The following P2RY8 variants were observed in gnomAD, a reference collection of about 807,000 sequenced individuals.
P2RY8 encodes the protein S-geranylgeranyl-glutathione receptor P2RY8.
P2RY8 carries 6 observed loss-of-function variants against 10.0 expected under a neutral mutation model. The observed-to-expected ratio is 0.60, with a 90% CI of 0.33 to 1.19. P2RY8 has a LOEUF of 1.19. P2RY8 is among the 50% of genes most tolerant of loss of function. P2RY8 has a pLI of 0.04. For synonymous variants in P2RY8, 276 were observed against 252.5 expected, an observed-to-expected ratio of 1.09 and a Z score of -0.88; for missense variants, 456 against 542.0, an observed-to-expected ratio of 0.84 and a Z score of 1.58.
chrX:1,491,084 C>A (rs757635896), intron 1 of P2RY8, among the ~76,000 whole-genome samples: 1 of 151,426 alleles, frequency 6.6e-6, no homozygotes, highest in African/African-American at 2.4e-5. Flanking sequence ...CAGATATTCC[C>A]TGCAAATGTG....
intron 1 of P2RY8, among the ~76,000 whole-genome samples, chrX:1,482,871 C>G (rs2091950612): frequency 1.3e-5 from 2 of 151,356 alleles, no homozygotes; most frequent in South Asian, 4.2e-4. Flanking sequence ...CATGTTCTCA[C>G]TCATAGGTGG....
intron 1 of P2RY8, among the ~76,000 whole-genome samples, chrX:1,482,160 GGTGTGTGTGT>G (rs5901178): frequency 2.7e-5 from 4 of 147,074 alleles, no homozygotes; most frequent in Non-Finnish European, 1.5e-5. Flanking sequence ...TTGTGTGTGT[GGTGTGTGTGT>G]GTGTGTGTGT....
chrX:1,509,745 C>CTATGTATCTATCTATG (rs1470536260), intron 1 of P2RY8, among the ~76,000 whole-genome samples: 3 of 112,382 alleles, frequency 2.7e-5, no homozygotes, highest in South Asian at 2.8e-4. Context: ...ATCTATGTAT[C>CTATGTATCTATCTATG]TATCTGTCTA....
chrX:1,482,860 G>T (rs763184966), intron 1 of P2RY8, among the ~76,000 whole-genome samples: 1 of 151,202 alleles, frequency 6.6e-6, no homozygotes, highest in South Asian at 2.1e-4. Context: ...ACCAAACACT[G>T]CATGTTCTCA....
intron 1 of P2RY8, among the ~76,000 whole-genome samples, chrX:1,468,363 C>G (rs1365641405): frequency 6.6e-6 from 1 of 152,228 alleles, no homozygotes; most frequent in Admixed American, 6.5e-5. Context: ...CCTGTGTGGT[C>G]TGGGGATCCA....
At chrX:1,493,443 G>T (rs2092084162) in intron 1 of P2RY8, among the ~76,000 whole-genome samples, 1 of 101,688 alleles carries the variant, frequency 9.8e-6, no homozygotes, top group South Asian at 4.6e-4. Context: ...AGGGAAGGAG[G>T]AGGAAGGAGG....
intron 1 of P2RY8, among the ~76,000 whole-genome samples, chrX:1,530,134 T>C (rs1253074609): frequency 1.9e-4 from 1 of 5,148 alleles, no homozygotes; most frequent in Non-Finnish European, 0.011. Flanking sequence ...TCTATGTATG[T>C]ATGTATGTAT....
chrX:1,492,722 G>A (rs1204534510), intron 1 of P2RY8, among the ~76,000 whole-genome samples: 1 of 152,136 alleles, frequency 6.6e-6, no homozygotes, highest in Non-Finnish European at 1.5e-5. Flanking sequence ...ACTAGGGGTA[G>A]GCAGGTTGGG....
rs778128905 is a variant in P2RY8 at position 1,462,996 on chromosome X, C to T, written c.*2483G>A. On this transcript the variant is annotated 3_prime_UTR_variant, in exon 2 of 2. Transcript: ENST00000381297. Reference sequence around the variant, plus strand: ...TACTGACAAAAAAAAAAAATCGACGCATTTTGCCTGCTTGCAACGTCTTCC... The same window carrying T: ...TACTGACAAAAAAAAAAAATCGACGTATTTTGCCTGCTTGCAACGTCTTCC... 4.7e-5 allele frequency: 11 copies of T among 232,522 alleles called. No individual in the cohort carries two copies. In the South Asian group the frequency reaches 2.0e-3, roughly 42 times the overall value. 14.4% of individuals were successfully genotyped at this position (232,522 alleles called of 1,614,324 possible). A position where few individuals can be genotyped will look rare whatever the true frequency, so the allele number is the denominator to read the frequency against.
chrX:1,519,313 T>A (rs1206991955), intron 1 of P2RY8, among the ~76,000 whole-genome samples: 2 of 151,888 alleles, frequency 1.3e-5, no homozygotes, highest in African/African-American at 4.8e-5. Context: ...TCCAATTATC[T>A]CCTTGGTCCC....
Position 1,463,057 on chromosome X carries a change from G to A in P2RY8, c.*2422C>T, listed in dbSNP as rs1169244525. 7 of 232,934 alleles carry A rather than the reference G, an allele frequency of 3.0e-5. No homozygotes were observed. Among genetic ancestry groups the A allele is most frequent in the African/African-American group, 1.3e-4 (6 of 45,288 alleles). The allele number at this position is 232,934 out of a possible 1,614,324, so 14.4% of individuals were successfully genotyped here. On this transcript the variant is annotated 3_prime_UTR_variant, in exon 2 of 2. Transcript: ENST00000381297. ...GACGTCAGGGTTCTCGCACGTTGTC[G>A]AGGAAGGATATTGTCTCGGCTTCCT...
At chrX:1,512,911 G>C (rs1439747118) in intron 1 of P2RY8, among the ~76,000 whole-genome samples, 1 of 151,958 alleles carries the variant, frequency 6.6e-6, no homozygotes, top group Non-Finnish European at 1.5e-5. Flanking sequence ...CTGCAGGTTT[G>C]TTGCATAGGT....
At position 1,508,712 on chromosome X, in the gene P2RY8, A is replaced by T. The variant is rs1338904326; in HGVS notation, c.-25+28209T>A. On this transcript the variant is annotated intron_variant, in intron 1 of 1. Transcript: ENST00000381297. ...ATCCATCCATCCATCCATTCTATCTATCTATCTATCTATCTATCTATCTAT... is the reference window on the plus strand; with the variant it reads ...ATCCATCCATCCATCCATTCTATCTTTCTATCTATCTATCTATCTATCTAT... Among the ~76,000 whole-genome samples the T allele has an allele frequency of 2.6e-3, 128 of 48,914 alleles. 2 individuals are homozygous for T. The highest frequency in any genetic ancestry group is 6.4e-3 in the African/African-American group (123 of 19,142). 32.1% of individuals were successfully genotyped at this position (48,914 alleles called of 152,430 possible).
chrX:1,532,448 T>TG (rs1556687575), intron 1 of P2RY8, among the ~76,000 whole-genome samples: 1 of 8,798 alleles, frequency 1.1e-4, no homozygotes, highest in Non-Finnish European at 2.8e-4. Flanking sequence ...TATATATGTA[T>TG]ATGTGTATAT....
intron 1 of P2RY8, among the ~76,000 whole-genome samples, chrX:1,493,115 A>G (rs1242902951): frequency 6.6e-6 from 1 of 150,592 alleles, no homozygotes; most frequent in Non-Finnish European, 1.5e-5. Context: ...GTGAGACCCC[A>G]TCTCTACTAA....
At chrX:1,515,830 G>A (rs73186931) in intron 1 of P2RY8, among the ~76,000 whole-genome samples, 44,502 of 151,158 alleles carry the variant, frequency 0.29, 6,907 homozygotes, top group Middle Eastern at 0.41. Context: ...GATTAGGGTG[G>A]GATGAGTTTA....
intron 1 of P2RY8, among the ~76,000 whole-genome samples, chrX:1,493,448 A>AGGAGGAC (rs2092084967): frequency 1.3e-5 from 1 of 77,026 alleles, no homozygotes; most frequent in African/African-American, 4.4e-5. Flanking sequence ...AGGAGGAGGA[A>AGGAGGAC]GGAGGAAGGA....
intron 1 of P2RY8, among the ~76,000 whole-genome samples, chrX:1,532,648 C>A (rs2092487838): frequency 6.6e-6 from 1 of 151,876 alleles, no homozygotes; most frequent in South Asian, 2.1e-4. Flanking sequence ...AATGGAAACC[C>A]AAACATCGTA....
intron 1 of P2RY8, among the ~76,000 whole-genome samples, chrX:1,488,018 G>A (rs28693714): frequency 0.019 from 2,878 of 152,196 alleles, 92 homozygotes; most frequent in African/African-American, 0.064. Flanking sequence ...GCTGAGGCAT[G>A]AGAATCGCTT....
Sources: allele counts gnomAD v4.1 joint callset (sites outside exome capture counted in the v4.1 genomes callset), GRCh38; gene constraint gnomAD v4.1.1; transcripts MANE v1.5; gene names NCBI Gene and HGNC (gene_info 2026-07-23, HGNC 2026-07-21).